SLC25A48: variants seen among roughly 807,000 people sequenced by gnomAD.
SLC25A48 encodes the protein CTC-321K16.1.
SLC25A48 carries 29 observed loss-of-function variants against 32.2 expected under a neutral mutation model. The ratio of observed to expected loss-of-function variants is 0.90; its 90% CI spans 0.67 to 1.23. SLC25A48 has a LOEUF of 1.23. Ranked by LOEUF, SLC25A48 falls within the 50% of genes most tolerant of loss-of-function variation. The pLI, the probability that SLC25A48 is intolerant of heterozygous loss-of-function variation, is 0.00. For missense variants in SLC25A48, 399 were observed against 422.7 expected (o/e 0.94, Z 0.49); for synonymous variants, 164 against 172.3 (o/e 0.95, Z 0.38).
chr5:135,724,627 C>T (rs11955396), intron 3 of SLC25A48, among the ~76,000 whole-genome samples: 41,881 of 152,156 alleles, frequency 0.28, 6,025 homozygotes, highest in East Asian at 0.47. Context: ...GAAGTTGGGG[C>T]CCAGAGACAG....
chr5:135,718,047 G>T (rs578229707), intron 3 of SLC25A48, among the ~76,000 whole-genome samples: 1 of 151,972 alleles, frequency 6.6e-6, no homozygotes, highest in Admixed American at 6.5e-5. Flanking sequence ...TTGGTCTGTC[G>T]CCCAGGCTGG....
At chr5:135,638,044 G>A (rs78151833) in intron 3 of SLC25A48, among the ~76,000 whole-genome samples, 145 of 152,266 alleles carry the variant, frequency 9.5e-4, no homozygotes, top group African/African-American at 3.4e-3. Flanking sequence ...TGTCAGCCAC[G>A]GAACAGTTGT....
chr5:135,743,660 C>T (rs1755563581), intron 3 of SLC25A48, among the ~76,000 whole-genome samples: 1 of 152,158 alleles, frequency 6.6e-6, no homozygotes, highest in African/African-American at 2.4e-5. Flanking sequence ...GCCTGGAAAC[C>T]TCCCAACACT....
intron 1 of SLC25A48, among the ~76,000 whole-genome samples, chr5:135,839,956 G>C (rs917185667): frequency 1.3e-5 from 2 of 152,216 alleles, no homozygotes; most frequent in Admixed American, 1.3e-4. Context: ...ATGTGGGACT[G>C]TAAGTTGATT....
intron 3 of SLC25A48, among the ~76,000 whole-genome samples, chr5:135,776,806 G>A (rs1275814455): frequency 6.6e-6 from 1 of 151,430 alleles, no homozygotes; most frequent in Non-Finnish European, 1.5e-5. Flanking sequence ...TGTTCCTAAT[G>A]TCCAGGGGAA....
intron 3 of SLC25A48, among the ~76,000 whole-genome samples, chr5:135,668,294 T>G (rs1312533910): frequency 1.3e-5 from 2 of 152,246 alleles, no homozygotes; most frequent in African/African-American, 2.4e-5. Flanking sequence ...AAAATGAATA[T>G]GAGCTATTTA....
rs142939484 is a variant in SLC25A48, at chr5:135,864,335, A to G, written c.422-7126A>G. 3.3e-5 allele frequency among the ~76,000 whole-genome samples: 5 copies of G among 152,330 alleles called. No individual in the cohort carries two copies. The East Asian group carries it at 9.6e-4, about 29-fold the overall frequency. ...CTACTTTGAAGATGTGTGGCAACCA[A>G]GGAAAATATTCTTCTCCAGGCAGGT... On this transcript the variant is annotated intron_variant, in intron 4 of 7. Coordinates refer to ENST00000681962, the MANE Select transcript of SLC25A48 (RefSeq NM_001349336.2).
intron 3 of SLC25A48, among the ~76,000 whole-genome samples, chr5:135,728,886 A>G (rs1410717639): frequency 7.7e-6 from 1 of 129,824 alleles, no homozygotes; most frequent in Non-Finnish European, 1.7e-5. Flanking sequence ...ACACACACAT[A>G]CACACACACC....
intron 3 of SLC25A48, among the ~76,000 whole-genome samples, chr5:135,679,352 G>A (rs934556588): frequency 6.6e-6 from 1 of 152,206 alleles, no homozygotes; most frequent in Non-Finnish European, 1.5e-5. Flanking sequence ...CACTGCGAGG[G>A]CCGAGCTGGG....
chr5:135,717,641 G>A (rs887214651), intron 3 of SLC25A48, among the ~76,000 whole-genome samples: 7 of 152,172 alleles, frequency 4.6e-5, no homozygotes, highest in Non-Finnish European at 4.4e-5. Context: ...GAAAAGTGTC[G>A]CATGATGGGG....
At chr5:135,582,671 G>C (rs1055250382) in intron 1 of SLC25A48, among the ~76,000 whole-genome samples, 56 of 152,166 alleles carry the variant, frequency 3.7e-4, no homozygotes, top group African/African-American at 1.2e-3. Context: ...ATCATGACCA[G>C]CACCTGCCAT....
intron 3 of SLC25A48, among the ~76,000 whole-genome samples, chr5:135,660,033 T>C (rs943493059): frequency 1.3e-5 from 2 of 152,192 alleles, no homozygotes; most frequent in Non-Finnish European, 2.9e-5. Flanking sequence ...ATAGCTGCAC[T>C]TGATATTGGA....
At chr5:135,593,291 G>C (rs1751569754) in intron 1 of SLC25A48, among the ~76,000 whole-genome samples, 1 of 152,176 alleles carries the variant, frequency 6.6e-6, no homozygotes, top group Admixed American at 6.5e-5. Context: ...GCATGGCAGG[G>C]CCACAGGAAG....
intron 1 of SLC25A48, among the ~76,000 whole-genome samples, chr5:135,613,301 TTGAG>T (rs1447851354): frequency 1.3e-5 from 2 of 152,202 alleles, no homozygotes; most frequent in Non-Finnish European, 2.9e-5. Context: ...GCTGAGTTGT[TTGAG>T]TTTCTTGTAT....
intron 3 of SLC25A48, among the ~76,000 whole-genome samples, chr5:135,744,187 A>C (rs1755579264): frequency 6.6e-6 from 1 of 152,068 alleles, no homozygotes; most frequent in Non-Finnish European, 1.5e-5. Context: ...TCCCCTTTTA[A>C]AGAAATATAT....
chr5:135,744,768 G>C (rs1305354442), intron 3 of SLC25A48, among the ~76,000 whole-genome samples: 1 of 152,070 alleles, frequency 6.6e-6, no homozygotes. Context: ...CCTTGGCTGG[G>C]TGTGGTGGCT....
chr5:135,750,511 A>G lies in SLC25A48; in HGVS notation c.-520-62012A>G, dbSNP rs947978661. 1.7e-4 allele frequency among the ~76,000 whole-genome samples: 26 copies of G among 152,264 alleles called. No homozygotes were observed. The Middle Eastern group carries it at 0.01, about 60-fold the overall frequency. On this transcript the variant is annotated intron_variant, in intron 3 of 10. Transcript: ENST00000646290. ...ATGACAAAGCTGGGAAGTGGCAGTC[A>G]CTTTCACCATATTCTCTCCGTCAAA...
At chr5:135,815,275 C>T (rs1410695371) in intron 4 of SLC25A48, among the ~76,000 whole-genome samples, 1 of 152,142 alleles carries the variant, frequency 6.6e-6, no homozygotes, top group Non-Finnish European at 1.5e-5. Context: ...GTTAGAGTCT[C>T]ATAAGGAGCA....
At chr5:135,752,425 A>G (rs764886829) in intron 3 of SLC25A48, among the ~76,000 whole-genome samples, 1 of 152,234 alleles carries the variant, frequency 6.6e-6, no homozygotes, top group Non-Finnish European at 1.5e-5. Context: ...TACAAAAATT[A>G]GGAGTAATAT....
Sources: allele counts gnomAD v4.1 joint callset (sites outside exome capture counted in the v4.1 genomes callset), GRCh38; gene constraint gnomAD v4.1.1; transcripts MANE v1.5; gene names NCBI Gene and HGNC (gene_info 2026-07-23, HGNC 2026-07-21).